Variants in ADAM22 observed in about 807,000 individuals in gnomAD.
ADAM22 encodes ADAM metallopeptidase domain 22.
Under a neutral mutation model 144.6 loss-of-function variants are expected in ADAM22, and 65 were observed. That is an observed-to-expected ratio of 0.45 (90% CI 0.37 to 0.55). The LOEUF (loss-of-function observed/expected upper bound fraction) is 0.55, where lower values mean the gene tolerates loss of function less well. ADAM22 is among the 20% of genes least tolerant of loss of function. ADAM22 has a pLI of 0.00. For missense variants in ADAM22, 974 were observed against 1,184.9 expected, an observed-to-expected ratio of 0.82 and a Z score of 2.61; for synonymous variants, 391 against 412.6, an observed-to-expected ratio of 0.95 and a Z score of 0.63.
intron 25 of ADAM22, among the ~76,000 whole-genome samples, chr7:88,168,823 A>G (rs1843542548): frequency 6.6e-6 from 1 of 152,174 alleles, no homozygotes; most frequent in Non-Finnish European, 1.5e-5. Flanking sequence ...TCCAGTCCAC[A>G]GGCCTGGGGT....
chr7:88,132,806 G>A, intron 11 of ADAM22, 61 bp from the exon 12 acceptor site: 1 of 1,303,554 alleles, frequency 7.7e-7, no homozygotes, highest in Non-Finnish European at 1.1e-6. Flanking sequence ...AACTAATAAT[G>A]AGGGGTGCTA....
intron 3 of ADAM22, among the ~76,000 whole-genome samples, chr7:88,030,474 G>A (rs577375118): frequency 3.9e-5 from 6 of 152,022 alleles, no homozygotes; most frequent in East Asian, 1.9e-4. Context: ...TAAGTCCCTC[G>A]TGCCTTATTT....
intron 4 of ADAM22, among the ~76,000 whole-genome samples, chr7:88,081,325 T>C (rs1459458474): frequency 1.3e-5 from 2 of 152,070 alleles, no homozygotes; most frequent in Non-Finnish European, 2.9e-5. Flanking sequence ...AAATTAGGTA[T>C]TGATGGGACG....
chr7:87,999,460 G>C (rs1792020910), intron 3 of ADAM22, among the ~76,000 whole-genome samples: 1 of 152,196 alleles, frequency 6.6e-6, no homozygotes, highest in African/African-American at 2.4e-5. Context: ...TTAGCATGTG[G>C]AACTGGAATT....
chr7:88,097,532 C>A (rs1821712539), intron 4 of ADAM22, among the ~76,000 whole-genome samples: 1 of 150,704 alleles, frequency 6.6e-6, no homozygotes, highest in South Asian at 2.1e-4. Context: ...TGAAGTGAAA[C>A]TAAAGGAGGT....
At chr7:87,947,791 T>A (rs969519320) in intron 2 of ADAM22, among the ~76,000 whole-genome samples, 3 of 152,200 alleles carry the variant, frequency 2.0e-5, no homozygotes, top group Non-Finnish European at 1.5e-5. Context: ...TGTAGGGTTA[T>A]GGAATAAAAA....
chr7:87,944,877 T>G (rs1184475899), intron 2 of ADAM22, among the ~76,000 whole-genome samples: 4 of 129,772 alleles, frequency 3.1e-5, no homozygotes, highest in Admixed American at 2.9e-4. Flanking sequence ...ACATGAGCTT[T>G]AAGTATTCGG....
chr7:88,090,648 A>AT (rs1382142978), intron 4 of ADAM22, among the ~76,000 whole-genome samples: 1 of 152,138 alleles, frequency 6.6e-6, no homozygotes, highest in Non-Finnish European at 1.5e-5. Flanking sequence ...AAATAAAATG[A>AT]TTTTTTTAAA....
Position 88,163,146 on chromosome 7 carries a change from GC to G in ADAM22, c.2043del (p.Ser681ArgfsTer18). 6.2e-7 allele frequency: 1 copy of G among 1,610,650 alleles called. No homozygotes were observed. The highest frequency in any genetic ancestry group is 1.1e-5 in the South Asian group (1 of 90,490). ...VASFNFSTCL[S>X]SKEGTICSGN... ...TCTTTCAACTTTAGTACTTGCTTGA[GC>G]AGTAAAGAAGGCACTATTTGCTCAG... On this transcript the variant is annotated frameshift_variant, in exon 23 of 32. Coordinates refer to ENST00000413139, the MANE Select transcript of ADAM22 (RefSeq NM_001324418.2). LOFTEE classifies it high-confidence loss of function.
At chr7:88,021,320 T>C (rs1212269032) in intron 3 of ADAM22, among the ~76,000 whole-genome samples, 1 of 152,184 alleles carries the variant, frequency 6.6e-6, no homozygotes, top group Non-Finnish European at 1.5e-5. Context: ...TCCACTCTTG[T>C]TATTTTGTAA....
chr7:88,010,610 A>G (rs1350192198), intron 3 of ADAM22, among the ~76,000 whole-genome samples: 1 of 152,132 alleles, frequency 6.6e-6, no homozygotes, highest in African/African-American at 2.4e-5. Flanking sequence ...TCCAGCTCCT[A>G]GTGGGAACAC....
chr7:88,107,091 G>A (rs565434712), intron 4 of ADAM22, among the ~76,000 whole-genome samples: 9 of 150,790 alleles, frequency 6.0e-5, no homozygotes, highest in Admixed American at 3.3e-4. Context: ...GTAAAAACAA[G>A]CATTTCCTCC....
At chr7:87,997,984 C>T (rs994653565) in intron 3 of ADAM22, among the ~76,000 whole-genome samples, 7 of 152,188 alleles carry the variant, frequency 4.6e-5, no homozygotes, top group South Asian at 2.1e-4. Context: ...ACAGTGCAGC[C>T]GTCAGTCTAT....
At chr7:88,018,799 C>T (rs1797104831) in intron 3 of ADAM22, among the ~76,000 whole-genome samples, 1 of 152,024 alleles carries the variant, frequency 6.6e-6, no homozygotes, top group Non-Finnish European at 1.5e-5. Flanking sequence ...AATAATGGCT[C>T]CTTAGGAATA....
intron 3 of ADAM22, among the ~76,000 whole-genome samples, chr7:88,009,163 T>C (rs2129459120): frequency 6.6e-6 from 1 of 152,274 alleles, no homozygotes; most frequent in African/African-American, 2.4e-5. Flanking sequence ...CAGTGAATGA[T>C]CTTAAATACT....
chr7:88,136,451 G>C (rs1211563080), intron 14 of ADAM22, among the ~76,000 whole-genome samples: 1 of 152,008 alleles, frequency 6.6e-6, no homozygotes, highest in Admixed American at 6.5e-5. Flanking sequence ...CTGACTTCAA[G>C]CCATTACTGA....
At chr7:87,955,631 G>A (rs148870280) in intron 2 of ADAM22, among the ~76,000 whole-genome samples, 30 of 152,282 alleles carry the variant, frequency 2.0e-4, no homozygotes, top group South Asian at 1.0e-3. Flanking sequence ...CTCCAGCTGC[G>A]TGCTGGGAGA....
chr7:87,944,215 A>C (rs917997550), intron 2 of ADAM22, among the ~76,000 whole-genome samples: 1 of 151,134 alleles, frequency 6.6e-6, no homozygotes, highest in African/African-American at 2.4e-5. Flanking sequence ...TAGTGAGGTT[A>C]GGGGATTTGA....
intron 20 of ADAM22, among the ~76,000 whole-genome samples, 157 bp from the exon 21 acceptor site, chr7:88,153,064 C>A (rs1458785588): frequency 2.0e-5 from 3 of 152,068 alleles, no homozygotes; most frequent in Non-Finnish European, 2.9e-5. Context: ...TATATATGAT[C>A]CATGGTAAAA....
Sources: gnomAD v4.1 joint callset for allele counts (sites outside exome capture counted in the v4.1 genomes callset) on GRCh38, gnomAD v4.1.1 for gene constraint, MANE v1.5 for transcripts, NCBI Gene and HGNC (gene_info 2026-07-23, HGNC 2026-07-21) for gene names.